RECQL4: variants seen among roughly 807,000 people sequenced by gnomAD.
The protein encoded by RECQL4 is ATP-dependent DNA helicase Q4.
A neutral mutation model predicts 128.6 loss-of-function variants in RECQL4; 158 were observed. The observed-to-expected ratio is 1.23, with a 90% confidence interval of 1.08 to 1.40. The LOEUF is 1.40. RECQL4 is among the 40% of genes most tolerant of loss of function. The pLI is 0.00. For synonymous variants in RECQL4, 996 were observed against 678.9 expected, an observed-to-expected ratio of 1.47 and a Z score of -7.26; for missense variants, 2,293 against 1,649.8, an observed-to-expected ratio of 1.39 and a Z score of -6.75.
chr8:144,513,986 G>A lies in RECQL4; in HGVS notation c.2000C>T (p.Pro667Leu), dbSNP rs1420577458. Residue 667 changes from proline (P) to leucine (L), a missense_variant, in exon 12 of 21, where the codon CCA becomes CTA. By Grantham distance (98) the Pro-to-Leu change is moderately conservative. Transcript: ENST00000617875. ...AVAEEPDLHG[P>L]APVPTNLHLS... ...GTGCAGGTTGGTGGGAACTGGGGCT[G>A]GCCCGTGGAGGTCAGGCTCTTCAGC... 6.4e-7 allele frequency: 1 copy of A among 1,565,842 alleles called. No individual in the cohort carries two copies. Among genetic ancestry groups the A allele is most frequent in the Non-Finnish European group, 8.7e-7 (1 of 1,156,060 alleles).
At chr8:144,515,698 C>T in intron 6 of RECQL4, 66 bp downstream of exon 6, 2 of 1,575,744 alleles carry the variant, frequency 1.3e-6, no homozygotes, top group South Asian at 1.2e-5. Context: ...ATAAGTGTCC[C>T]CCAAAAGAGC....
chr8:144,517,150 G>A lies in RECQL4; in HGVS notation c.254C>T (p.Ala85Val), dbSNP rs756838362. Reference protein sequence around the residue: ...PRCWGPHLNRAATKSPQSTPG... With the variant: ...PRCWGPHLNRVATKSPQSTPG... Reference sequence around the variant, plus strand: ...CGTAGACTGTGGACTCTTGGTCGCAGCCCGATTCAGATGGGGCCCCCAGCA... The same window carrying A: ...CGTAGACTGTGGACTCTTGGTCGCAACCCGATTCAGATGGGGCCCCCAGCA... Residue 85 changes from alanine to valine, a missense_variant, in exon 4 of 21, where the codon GCT becomes GTT. Transcript: ENST00000617875. The A allele has an allele frequency of 4.3e-6, 7 of 1,610,684 alleles. No individual in the cohort carries two copies. In the Admixed American group the frequency reaches 1.2e-4, roughly 27 times the overall value.
intron 10 of RECQL4, 28 bp from the exon 11 acceptor site, chr8:144,514,390 C>T (rs35368016): frequency 6.3e-7 from 1 of 1,599,754 alleles, no homozygotes; most frequent in African/African-American, 1.3e-5. Flanking sequence ...AGAGGCACAG[C>T]CCAGGTGCCC....
intron 12 of RECQL4, 64 bp from the exon 13 acceptor site, chr8:144,513,776 GT>G: frequency 6.9e-7 from 1 of 1,445,216 alleles, no homozygotes; most frequent in Non-Finnish European, 9.3e-7. Context: ...GCAGTGGGGA[GT>G]GAGGAGGGGT....
At position 144,511,772 on chromosome 8, in the gene RECQL4, G is replaced by A. The variant is rs754328779; in HGVS notation, c.3411C>T (p.Asp1137=). 1.2e-6 allele frequency: 2 copies of A among 1,612,446 alleles called. No individual in the cohort carries two copies. Among genetic ancestry groups the A allele is most frequent in the African/African-American group, 1.3e-5 (1 of 74,942 alleles). ...ACTGGCGGATGTCGCAGCGGACCTG[G>A]TCCTCCCAATCCTGGAGCTGTGTGG... is the stretch of plus-strand genomic sequence containing the variant. The part of the protein sequence containing the change: ...PGQARLQDWE[D]QVRCDIRQFL... Residue 1137 remains aspartate, a synonymous_variant, in exon 20 of 21, where the codon GAC becomes GAT. Coordinates refer to ENST00000617875, the MANE Select transcript of RECQL4 (RefSeq NM_004260.4).
At chr8:144,517,353 G>A in intron 3 of RECQL4, 61 bp downstream of exon 3, 2 of 1,496,570 alleles carry the variant, frequency 1.3e-6, no homozygotes, top group South Asian at 1.2e-5. Flanking sequence ...CGACTCCGTG[G>A]CTCCCGCCAC....
At position 144,516,029 on chromosome 8, in the gene RECQL4, C is replaced by T. The variant is rs144637135; in HGVS notation, c.1090G>A (p.Val364Met). The T allele has an allele frequency of 8.0e-4, 1,288 of 1,611,570 alleles. 5 individuals carry two copies. The African/African-American group carries it at 0.014, about 17-fold the overall frequency. Residue 364 changes from valine (V) to methionine (M), a missense_variant, in exon 5 of 21, where the codon GTG becomes ATG. Transcript: ENST00000617875. Reference protein sequence around the residue: ...VRLNMKQKHYVRGRALRSRLL... With the variant: ...VRLNMKQKHYMRGRALRSRLL... ...CTGCTACGGAGTGCCCGGCCCCGCACGTAGTGTTTCTGCTTCATGTTGAGC... is the reference window on the plus strand; with the variant it reads ...CTGCTACGGAGTGCCCGGCCCCGCATGTAGTGTTTCTGCTTCATGTTGAGC...
chr8:144,511,288 T>C lies in RECQL4; in HGVS notation c.*143A>G, dbSNP rs1827150470. 1.9e-6 allele frequency: 3 copies of C among 1,539,006 alleles called. No individual in the cohort carries two copies. The highest frequency in any genetic ancestry group is 2.6e-6 in the Non-Finnish European group (3 of 1,141,826). ...TTGCCTCATTGGCCAAGAGGGCCCA[T>C]AAAAACAAAGTGAGCATTTTTTATT... On this transcript the variant is annotated 3_prime_UTR_variant, in exon 21 of 21. Transcript: ENST00000617875.
intron 14 of RECQL4, 31 bp from the exon 15 acceptor site, chr8:144,513,169 G>A (rs1482551453): frequency 2.2e-6 from 3 of 1,384,368 alleles, no homozygotes; most frequent in Non-Finnish European, 2.9e-6. Flanking sequence ...GGGTGGGGTG[G>A]ACCACTGGGG....
chr8:144,514,587 T>C, intron 9 of RECQL4, 62 bp from the exon 10 acceptor site: 2 of 1,508,396 alleles, frequency 1.3e-6, no homozygotes, highest in Non-Finnish European at 1.8e-6. Context: ...CCCCAAGTCA[T>C]CCCAGAGCTG....
rs549406424 is a variant in RECQL4 at position 144,516,399 on chromosome 8, T to G, written c.720A>C (p.Ser240=). Residue 240 remains serine (S), a synonymous_variant, in exon 5 of 21, where the codon TCA becomes TCC. Coordinates refer to ENST00000617875, the MANE Select transcript of RECQL4 (RefSeq NM_004260.4). ...CACGGATGCTGACTTCTTGGAAGGC[T>G]GAAGCCTCTGGGCCCTGGGAGCCAG... ...PGAGSQGPEA[S]AFQEVSIRVG... 8.1e-6 allele frequency: 13 copies of G among 1,609,550 alleles called. No individual in the cohort carries two copies. The highest frequency in any genetic ancestry group is 1.1e-5 in the Non-Finnish European group (13 of 1,179,708).
rs915773238 is a variant in RECQL4 at position 144,516,173 on chromosome 8, T to A, written c.946A>T (p.Asn316Tyr). The A allele has an allele frequency of 6.2e-7, 1 of 1,613,452 alleles. No homozygotes were observed. Among genetic ancestry groups the A allele is most frequent in the Non-Finnish European group, 8.5e-7 (1 of 1,179,868 alleles). ...QPPQPCSSPS[N>Y]PRYHGLSPSS... is the part of the protein sequence containing the mutation. ...GGGCTGAGTCCGTGGTACCTGGGGT[T>A]CGATGGGCTGCTGCAGGGCTGAGGT... The change falls in exon 5 of 21, where the codon AAC (asparagine) becomes TAC (tyrosine). Residue 316 changes from asparagine to tyrosine, a missense_variant. Transcript: ENST00000617875.
rs758340142 is a variant in RECQL4, at chr8:144,512,831, A to G, written c.2755+16T>C. The G allele has an allele frequency of 2.2e-5, 35 of 1,606,536 alleles. No homozygotes were observed. The highest frequency in any genetic ancestry group is 2.9e-5 in the Non-Finnish European group (34 of 1,177,718). On this transcript the variant is annotated intron_variant, in intron 15 of 20. Transcript: ENST00000617875. ...CAGCCCCTCCACACCCCTGTGGCTT[A>G]CCCCAGGTTCCTCACCCTCCTCCGG...
chr8:144,514,428 C>T lies in RECQL4; in HGVS notation c.1704+14G>A. ...CCGCTGCCTCCCTCACCCCTAGGCC[C>T]ATGAGGCCCCCACCTTCTGCAGGAC... On this transcript the variant is annotated intron_variant, in intron 10 of 20. Coordinates refer to ENST00000617875, the MANE Select transcript of RECQL4 (RefSeq NM_004260.4). 2 of 1,610,474 alleles carry T rather than the reference C, an allele frequency of 1.2e-6. No individual in the cohort carries two copies. The highest frequency in any genetic ancestry group is 1.7e-6 in the Non-Finnish European group (2 of 1,178,480).
Position 144,511,928 on chromosome 8 carries a change from C to T in RECQL4, c.3376G>A (p.Glu1126Lys), listed in dbSNP as rs779826649. The change falls in exon 19 of 21, where the codon GAG (glutamate) becomes AAG (lysine). Residue 1126 changes from glutamate (E) to lysine (K), a missense_variant. Coordinates refer to ENST00000617875, the MANE Select transcript of RECQL4 (RefSeq NM_004260.4). ...PGGMEDAQGP[E>K]PGQARLQDWE... ...GCACTCACTCTGGCCTGCCCTGGCT[C>T]GGGGCCCTGTGCGTCCTCCATGCCT... The T allele has an allele frequency of 2.0e-5, 32 of 1,610,932 alleles. No individual in the cohort carries two copies. The highest frequency in any genetic ancestry group is 2.4e-5 in the Non-Finnish European group (28 of 1,179,786).
chr8:144,517,026 A>G, intron 4 of RECQL4, 24 bp downstream of exon 4: 1 of 1,600,590 alleles, frequency 6.2e-7, no homozygotes, highest in Admixed American at 1.7e-5. Flanking sequence ...CCTAGCGTGG[A>G]CTCACTGCCT....
At chr8:144,515,609 G>A (rs943873961) in intron 6 of RECQL4, among the ~76,000 whole-genome samples, 152 bp from the exon 7 acceptor site, 5 of 152,224 alleles carry the variant, frequency 3.3e-5, no homozygotes, top group African/African-American at 1.2e-4. Context: ...GACAGCCATC[G>A]TCGTCCCTGC....
rs372648595 is a variant in RECQL4, at chr8:144,517,138, C to T, written c.266G>A (p.Ser89Asn). The stretch of plus-strand genomic sequence containing the variant: ...GCTCCGCCCTGGCGTAGACTGTGGA[C>T]TCTTGGTCGCAGCCCGATTCAGATG... ...GPHLNRAATK[S>N]PQSTPGRSRQ... Residue 89 changes from serine (S) to asparagine (N), a missense_variant, in exon 4 of 21, where the codon AGT becomes AAT. Coordinates refer to ENST00000617875, the MANE Select transcript of RECQL4 (RefSeq NM_004260.4). The T allele has an allele frequency of 4.3e-6, 7 of 1,611,562 alleles. No homozygotes were observed. In the African/African-American group the frequency reaches 5.3e-5, roughly 12 times the overall value.
Position 144,515,068 on chromosome 8 carries a change from G to C in RECQL4, c.1488C>G (p.Ile496Met), listed in dbSNP as rs1358382637. 2.5e-6 allele frequency: 4 copies of C among 1,606,434 alleles called. No individual in the cohort carries two copies. In the Admixed American group the frequency reaches 6.8e-5, roughly 27 times the overall value. ...CTGTAGGCAGCACCAGCAGCGTGGA[G>C]ATGCCTGGATGGGGCGGGAGTCAGC... ...ERAVMRILSGISTLLVLPTGA... is the reference protein window; with the variant it reads ...ERAVMRILSGMSTLLVLPTGA... The change falls in exon 9 of 21, where the codon ATC becomes ATG. Residue 496 changes from isoleucine (I) to methionine (M), a missense_variant. By Grantham distance (10) the Ile-to-Met change is conservative. Transcript: ENST00000617875.
Sources: allele counts gnomAD v4.1 joint callset (sites outside exome capture counted in the v4.1 genomes callset), GRCh38; gene constraint gnomAD v4.1.1; transcripts MANE v1.5; gene names NCBI Gene and HGNC (gene_info 2026-07-23, HGNC 2026-07-21).